The following PLPP4 variants were observed in gnomAD, a reference collection of about 807,000 sequenced individuals.
PLPP4 encodes phospholipid phosphatase 4.
PLPP4 carries 20 observed loss-of-function variants against 32.2 expected under a neutral mutation model. The ratio of observed to expected loss-of-function variants is 0.62; its 90% CI spans 0.44 to 0.90. The LOEUF (loss-of-function observed/expected upper bound fraction) is 0.90. Among genes scored for constraint, PLPP4 ranks in the 40% least tolerant of loss-of-function variants. The pLI is 0.00. For synonymous variants in PLPP4, 127 were observed against 133.0 expected, an observed-to-expected ratio of 0.95 and a Z score of 0.31; for missense variants, 257 against 353.1, an observed-to-expected ratio of 0.73 and a Z score of 2.18.
chr10:120,563,398 A>G (rs1848523652), intron 5 of PLPP4, among the ~76,000 whole-genome samples: 1 of 152,332 alleles, frequency 6.6e-6, no homozygotes, highest in Admixed American at 6.5e-5. Context: ...CTTTGTAAAG[A>G]GTCTATGTGA....
intron 5 of PLPP4, among the ~76,000 whole-genome samples, chr10:120,522,174 T>G (rs943829503): frequency 6.6e-6 from 1 of 152,220 alleles, no homozygotes; most frequent in Non-Finnish European, 1.5e-5. Flanking sequence ...AGTCTGATTA[T>G]TATTTACCTT....
chr10:120,465,833 TC>T (rs1848281792), intron 1 of PLPP4, among the ~76,000 whole-genome samples: 1 of 152,176 alleles, frequency 6.6e-6, no homozygotes, highest in Admixed American at 6.5e-5. Context: ...AAGTTTGTGT[TC>T]TTTTGTGTGA....
intron 6 of PLPP4, among the ~76,000 whole-genome samples, chr10:120,584,802 G>A (rs1381344318): frequency 2.0e-5 from 3 of 152,200 alleles, no homozygotes; most frequent in African/African-American, 7.2e-5. Context: ...TTGCTGAGAA[G>A]CAGCTTGGAT....
Position 120,472,612 on chromosome 10 carries a change from T to C in PLPP4, c.56+15251T>C, listed in dbSNP as rs573480927. On this transcript the variant is annotated intron_variant, in intron 1 of 6. Coordinates refer to ENST00000398250, the MANE Select transcript of PLPP4 (RefSeq NM_001030059.3). ...CTTTTCATTGAGATTATTGGAGATA[T>C]GGTTTGTTGTCTTTCATCAATTAAA... is the stretch of plus-strand genomic sequence containing the variant. Among the ~76,000 whole-genome samples, 42 of 152,282 alleles carry C rather than the reference T, an allele frequency of 2.8e-4. 2 individuals are homozygous for C. Among genetic ancestry groups the C allele is most frequent in the Middle Eastern group, 3.4e-3 (1 of 294 alleles).
At chr10:120,478,797 A>G (rs1262471955) in intron 1 of PLPP4, among the ~76,000 whole-genome samples, 1 of 152,258 alleles carries the variant, frequency 6.6e-6, no homozygotes, top group Non-Finnish European at 1.5e-5. Context: ...AAATAATTTA[A>G]TACAGCCAGT....
At chr10:120,510,060 G>C (rs1039303632) in intron 2 of PLPP4, among the ~76,000 whole-genome samples, 23 of 152,182 alleles carry the variant, frequency 1.5e-4, no homozygotes, top group African/African-American at 5.5e-4. Flanking sequence ...TATGCATTAA[G>C]TAAGAAGCCT....
chr10:120,574,172 T>A (rs12219300), intron 5 of PLPP4, among the ~76,000 whole-genome samples: 1,159 of 44,532 alleles, frequency 0.026, 3 homozygotes, highest in African/African-American at 0.042. Flanking sequence ...ACACACACTC[T>A]CTCTCTCTCT....
At chr10:120,458,830 G>A (rs115040628) in intron 1 of PLPP4, among the ~76,000 whole-genome samples, 1,633 of 152,234 alleles carry the variant, frequency 0.011, 36 homozygotes, top group African/African-American at 0.036. Flanking sequence ...ATTGGCAGAT[G>A]GGCTAAAACC....
At chr10:120,581,094 C>T in intron 6 of PLPP4, 1 of 1,253,018 alleles carries the variant, frequency 8.0e-7, no homozygotes, top group Non-Finnish European at 1.0e-6. Context: ...ATCCTGCTTT[C>T]AGCCTCAAGA....
intron 1 of PLPP4, among the ~76,000 whole-genome samples, chr10:120,488,768 C>T (rs917902526): frequency 1.3e-5 from 2 of 152,192 alleles, no homozygotes; most frequent in Admixed American, 6.5e-5. Flanking sequence ...CCCACCCTCA[C>T]CTCAGTGTGC....
intron 1 of PLPP4, among the ~76,000 whole-genome samples, chr10:120,480,483 A>G (rs1042086720): frequency 3.9e-5 from 6 of 152,186 alleles, no homozygotes. Flanking sequence ...GAAAGCTAAT[A>G]TATTGAATAA....
Position 120,564,772 on chromosome 10 carries a change from A to G in PLPP4, c.446-10359A>G, listed in dbSNP as rs568453153. Among the ~76,000 whole-genome samples, 60 of 152,064 alleles carry G rather than the reference A, an allele frequency of 3.9e-4. No individual in the cohort carries two copies. In the Middle Eastern group the frequency reaches 0.013, roughly 33 times the overall value. ...TAAAGACAATCAAACATTAATATTTATACAGAATTGTATTCATTAATATTT... is the reference window on the plus strand; with the variant it reads ...TAAAGACAATCAAACATTAATATTTGTACAGAATTGTATTCATTAATATTT... On this transcript the variant is annotated intron_variant, in intron 5 of 6. Coordinates refer to ENST00000398250, the MANE Select transcript of PLPP4 (RefSeq NM_001030059.3).
At chr10:120,556,157 A>C (rs926072508) in intron 5 of PLPP4, among the ~76,000 whole-genome samples, 2 of 152,232 alleles carry the variant, frequency 1.3e-5, no homozygotes, top group Non-Finnish European at 2.9e-5. Context: ...TATTTTAACA[A>C]ATCAGGATAT....
chr10:120,574,713 G>A (rs192595463), intron 5 of PLPP4, among the ~76,000 whole-genome samples: 15 of 152,260 alleles, frequency 9.9e-5, no homozygotes, highest in African/African-American at 3.4e-4. Flanking sequence ...TGCTCTGTAT[G>A]TACTTGTTTC....
At chr10:120,496,359 C>T (rs1844962959) in intron 1 of PLPP4, among the ~76,000 whole-genome samples, 1 of 152,134 alleles carries the variant, frequency 6.6e-6, no homozygotes, top group South Asian at 2.1e-4. Flanking sequence ...ATCAGCCATT[C>T]CTTTGGATTC....
chr10:120,503,993 T>G (rs1483437438), intron 2 of PLPP4, 67 bp downstream of exon 2: 10 of 1,116,266 alleles, frequency 9.0e-6, no homozygotes, highest in South Asian at 1.3e-5. Context: ...GGTTTTCATC[T>G]TTGTTTTTCT....
chr10:120,511,847 A>G (rs1273909081), intron 2 of PLPP4, among the ~76,000 whole-genome samples: 2 of 152,134 alleles, frequency 1.3e-5, no homozygotes, highest in Admixed American at 6.5e-5. Context: ...TAATCCCAGC[A>G]CTTTGGGAGG....
At chr10:120,568,411 A>G (rs1848782743) in intron 5 of PLPP4, among the ~76,000 whole-genome samples, 1 of 152,196 alleles carries the variant, frequency 6.6e-6, no homozygotes, top group Non-Finnish European at 1.5e-5. Flanking sequence ...TTTAGAAGAG[A>G]GCAAGGCAGT....
At chr10:120,542,594 C>T (rs1266831102) in intron 5 of PLPP4, among the ~76,000 whole-genome samples, 5 of 152,162 alleles carry the variant, frequency 3.3e-5, no homozygotes, top group African/African-American at 9.7e-5. Flanking sequence ...CTGCCTCCCC[C>T]AGAAAAGGTG....
Sources: gnomAD v4.1 joint callset for allele counts (sites outside exome capture counted in the v4.1 genomes callset) on GRCh38, gnomAD v4.1.1 for gene constraint, MANE v1.5 for transcripts, NCBI Gene and HGNC (gene_info 2026-07-23, HGNC 2026-07-21) for gene names.